The following PRKN variants were observed in gnomAD, a reference collection of about 807,000 sequenced individuals.
PRKN encodes the protein parkin RBR E3 ubiquitin protein ligase.
Under a neutral mutation model 59.5 loss-of-function variants are expected in PRKN, and 56 were observed. The observed-to-expected ratio is 0.94, with a 90% CI of 0.76 to 1.18. The LOEUF is 1.18. Ranked by LOEUF, PRKN falls within the 50% of genes most tolerant of loss-of-function variation. The pLI is 0.00. For missense variants in PRKN, 657 were observed against 596.4 expected (o/e 1.10, Z -1.06); for synonymous variants, 250 against 222.1 (o/e 1.13, Z -1.12).
At chr6:161,632,644 A>G (rs1050188609) in intron 7 of PRKN, among the ~76,000 whole-genome samples, 4 of 152,246 alleles carry the variant, frequency 2.6e-5, no homozygotes, top group African/African-American at 9.6e-5. Context: ...TAATAAAGAC[A>G]TGCTCAAGAC....
intron 7 of PRKN, among the ~76,000 whole-genome samples, chr6:161,696,378 T>C (rs1786022850): frequency 6.6e-6 from 1 of 152,240 alleles, no homozygotes; most frequent in Admixed American, 6.5e-5. Flanking sequence ...GGAAGAACTC[T>C]GTTTTGTACC....
intron 2 of PRKN, among the ~76,000 whole-genome samples, chr6:162,390,279 A>G (rs1325636534): frequency 6.6e-6 from 1 of 151,420 alleles, no homozygotes; most frequent in Admixed American, 6.6e-5. Context: ...GTTTGTACCT[A>G]AATTTCTTTA....
At chr6:162,362,764 C>T (rs1436380476) in intron 2 of PRKN, among the ~76,000 whole-genome samples, 1 of 152,042 alleles carries the variant, frequency 6.6e-6, no homozygotes, top group Non-Finnish European at 1.5e-5. Context: ...GAGGAAGCCT[C>T]CTCTAGCCCA....
At chr6:162,636,149 T>A (rs764282722) in intron 1 of PRKN, among the ~76,000 whole-genome samples, 1 of 97,170 alleles carries the variant, frequency 1.0e-5, no homozygotes, top group Non-Finnish European at 2.0e-5. Flanking sequence ...CATAGTAATA[T>A]AATTTGCCCA....
intron 7 of PRKN, among the ~76,000 whole-genome samples, chr6:161,644,539 CGTTT>C (rs759220478): frequency 3.9e-5 from 6 of 152,192 alleles, no homozygotes; most frequent in African/African-American, 9.6e-5. Context: ...GCCCTTAGTT[CGTTT>C]GATTCAAGTG....
intron 1 of PRKN, among the ~76,000 whole-genome samples, chr6:162,718,967 C>T (rs370518664): frequency 6.6e-6 from 1 of 152,082 alleles, no homozygotes; most frequent in Non-Finnish European, 1.5e-5. Flanking sequence ...CACACACACA[C>T]GAGAAAGGGA....
At chr6:161,735,169 G>A (rs763381323) in intron 7 of PRKN, among the ~76,000 whole-genome samples, 104 of 151,986 alleles carry the variant, frequency 6.8e-4, no homozygotes, top group Admixed American at 2.4e-3. Flanking sequence ...CCAACATGGT[G>A]AAGGGTACAG....
At chr6:162,031,087 A>C (rs1783619612) in intron 5 of PRKN, among the ~76,000 whole-genome samples, 1 of 152,188 alleles carries the variant, frequency 6.6e-6, no homozygotes, top group Non-Finnish European at 1.5e-5. Flanking sequence ...ATGTTGGCCA[A>C]CTTGACATTT....
At chr6:162,489,682 T>C (rs1358751933) in intron 1 of PRKN, among the ~76,000 whole-genome samples, 4 of 152,204 alleles carry the variant, frequency 2.6e-5, no homozygotes, top group Admixed American at 1.3e-4. Context: ...TCCCACCCCC[T>C]GGTCACTATC....
At chr6:161,455,018 T>C (rs1042239323) in intron 9 of PRKN, among the ~76,000 whole-genome samples, 1 of 151,910 alleles carries the variant, frequency 6.6e-6, no homozygotes, top group Admixed American at 6.6e-5. Context: ...CGATGGACTG[T>C]CAGTTTGGTT....
At chr6:162,344,906 T>C (rs1784332315) in intron 2 of PRKN, among the ~76,000 whole-genome samples, 1 of 152,220 alleles carries the variant, frequency 6.6e-6, no homozygotes, top group Non-Finnish European at 1.5e-5. Flanking sequence ...AGGATTTCAC[T>C]GTGCTTTAAC....
At chr6:161,891,866 G>A (rs1395099946) in intron 6 of PRKN, among the ~76,000 whole-genome samples, 1 of 152,152 alleles carries the variant, frequency 6.6e-6, no homozygotes, top group African/African-American at 2.4e-5. Flanking sequence ...AGCCCTGTTC[G>A]ACCTTCAGAG....
At chr6:161,679,518 C>T (rs1218156517) in intron 7 of PRKN, among the ~76,000 whole-genome samples, 1 of 151,518 alleles carries the variant, frequency 6.6e-6, no homozygotes, top group African/African-American at 2.4e-5. Context: ...AAGGTACTTC[C>T]CGCTTGGGCT....
chr6:162,374,765 G>A (rs1004349064), intron 2 of PRKN, among the ~76,000 whole-genome samples: 3 of 152,028 alleles, frequency 2.0e-5, no homozygotes, highest in Non-Finnish European at 4.4e-5. Flanking sequence ...AAACATTTGA[G>A]AAAATATAGT....
At chr6:162,164,977 TGG>T (rs1255446483) in intron 4 of PRKN, among the ~76,000 whole-genome samples, 1 of 148,914 alleles carries the variant, frequency 6.7e-6, no homozygotes, top group Admixed American at 6.7e-5. Flanking sequence ...TAAACCTAAG[TGG>T]GTATTGCTAC....
At chr6:162,663,946 T>C (rs1236170932) in intron 1 of PRKN, among the ~76,000 whole-genome samples, 1 of 151,836 alleles carries the variant, frequency 6.6e-6, no homozygotes, top group Non-Finnish European at 1.5e-5. Context: ...TGGGGGGATA[T>C]GTGTGCAGAA....
chr6:162,387,436 A>T (rs1314571887), intron 2 of PRKN, among the ~76,000 whole-genome samples: 3 of 152,082 alleles, frequency 2.0e-5, no homozygotes, highest in African/African-American at 7.2e-5. Flanking sequence ...ATACAGAGAA[A>T]TTGAGAAACA....
chr6:162,235,967 AAG>A (rs1394002326), intron 3 of PRKN, among the ~76,000 whole-genome samples: 17,226 of 101,276 alleles, frequency 0.17, 2,127 homozygotes, highest in East Asian at 0.59. Flanking sequence ...GGAAGAAAGA[AAG>A]AAAGAAAGAA....
intron 1 of PRKN, among the ~76,000 whole-genome samples, chr6:162,615,179 T>A (rs555451152): frequency 3.3e-5 from 5 of 152,292 alleles, no homozygotes; most frequent in South Asian, 4.1e-4. Flanking sequence ...TCAAAAAAAA[T>A]TTCCCACCAA....
Sources: gnomAD v4.1 joint callset for allele counts (sites outside exome capture counted in the v4.1 genomes callset) on GRCh38, gnomAD v4.1.1 for gene constraint, MANE v1.5 for transcripts, NCBI Gene and HGNC (gene_info 2026-07-23, HGNC 2026-07-21) for gene names.